Variants in MMADHC observed in about 807,000 individuals in gnomAD.
The protein encoded by MMADHC is cobalamin trafficking protein CblD.
In MMADHC, 23 loss-of-function variants were observed where a neutral mutation model predicts 36.3. The observed-to-expected ratio is 0.63, with a 90% CI of 0.46 to 0.90. The LOEUF (loss-of-function observed/expected upper bound fraction) is 0.90, where lower values mean the gene tolerates loss of function less well. Among genes scored for constraint, MMADHC ranks in the 40% least tolerant of loss-of-function variants. The pLI is 0.00. For synonymous variants in MMADHC, 97 were observed against 116.1 expected, an observed-to-expected ratio of 0.84 and a Z score of 1.06; for missense variants, 330 against 348.0, an observed-to-expected ratio of 0.95 and a Z score of 0.41.
rs1246028209 is a variant in MMADHC, at chr2:149,582,047, TAAG to T, written c.154+77_154+79del. 5 of 1,510,820 alleles carry T rather than the reference TAAG, an allele frequency of 3.3e-6. No individual in the cohort carries two copies. In the Admixed American group the frequency reaches 6.8e-5, roughly 21 times the overall value. The allele number at this position is 1,510,820 out of a possible 1,614,324, so 93.6% of individuals were successfully genotyped here. A position where few individuals can be genotyped will look rare whatever the true frequency, so the allele number is the denominator to read the frequency against. On this transcript the variant is annotated intron_variant, in intron 3 of 7. Transcript: ENST00000303319. The stretch of plus-strand genomic sequence containing the variant: ...AACTTTAGAAAAATCCATTAAGCCT[TAAG>T]AAGAAATATTAGAGGAAAATACAAC...
At chr2:149,587,318 TC>T (rs1558850618) in intron 1 of MMADHC, 169 bp from the exon 2 acceptor site, 1 of 604,712 alleles carries the variant, frequency 1.7e-6, no homozygotes, top group Non-Finnish European at 3.0e-6. Context: ...CAGGCACAGA[TC>T]CCCCAGCCCG....
At chr2:149,574,372 T>C (rs1682684639) in intron 6 of MMADHC, among the ~76,000 whole-genome samples, 1 of 152,348 alleles carries the variant, frequency 6.6e-6, no homozygotes, top group South Asian at 2.1e-4. Flanking sequence ...ACGAAATCTA[T>C]TAGCAGTTAT....
At chr2:149,586,477 G>A (rs576421386) in intron 2 of MMADHC, among the ~76,000 whole-genome samples, 68 of 152,250 alleles carry the variant, frequency 4.5e-4, no homozygotes, top group African/African-American at 1.6e-3. Flanking sequence ...CTCATGAAGT[G>A]ATCCCAAACT....
chr2:149,574,895 G>A (rs1222299484), intron 6 of MMADHC, among the ~76,000 whole-genome samples: 1 of 152,134 alleles, frequency 6.6e-6, no homozygotes, highest in Non-Finnish European at 1.5e-5. Context: ...CGACCTCTCA[G>A]GCTCCAGTGA....
intron 2 of MMADHC, among the ~76,000 whole-genome samples, chr2:149,584,883 A>G (rs1349215786): frequency 6.6e-6 from 1 of 152,030 alleles, no homozygotes; most frequent in Non-Finnish European, 1.5e-5. Context: ...TAAAAATACA[A>G]AAAAAGCCAA....
chr2:149,570,525 A>C (rs1682623400), intron 7 of MMADHC, among the ~76,000 whole-genome samples: 1 of 152,208 alleles, frequency 6.6e-6, no homozygotes, highest in Non-Finnish European at 1.5e-5. Context: ...ATCTTATTTG[A>C]CTTTGAGAAG....
At chr2:149,570,940 T>G in intron 7 of MMADHC, 145 bp downstream of exon 7, 1 of 630,302 alleles carries the variant, frequency 1.6e-6, no homozygotes. Context: ...AAGTTGAGAA[T>G]TCAACTGACT....
intron 6 of MMADHC, among the ~76,000 whole-genome samples, chr2:149,573,043 G>A (rs1682667306): frequency 6.6e-6 from 1 of 152,034 alleles, no homozygotes; most frequent in African/African-American, 2.4e-5. Context: ...TTAACACAAG[G>A]GTAGAGCTGG....
rs147318949 is a variant in MMADHC at position 149,575,805 on chromosome 2, T to G, written c.515A>C (p.Lys172Thr). The G allele has an allele frequency of 9.2e-5, 147 of 1,605,696 alleles. 2 individuals are homozygous for G. In the East Asian group the frequency reaches 3.2e-3, roughly 35 times the overall value. Residue 172 changes from lysine (K) to threonine (T), a missense_variant, in exon 6 of 8, where the codon AAA becomes ACA. Physicochemically the swap from Lys to Thr is moderately conservative, Grantham distance 78 (BLOSUM62 -1). Coordinates refer to ENST00000303319, the MANE Select transcript of MMADHC (RefSeq NM_015702.3). ...TTGTGTTACAGTCAGAATCATTAGTTTGCCATTAGCTACTTCTGGAAACAG... is the reference window on the plus strand; with the variant it reads ...TTGTGTTACAGTCAGAATCATTAGTGTGCCATTAGCTACTTCTGGAAACAG... ...ESLFPEVANG[K>T]LMILTVTQKT...
intron 5 of MMADHC, among the ~76,000 whole-genome samples, chr2:149,576,210 C>A (rs1682714275): frequency 6.6e-6 from 1 of 152,028 alleles, no homozygotes; most frequent in African/African-American, 2.4e-5. Flanking sequence ...TTTAATTTAG[C>A]CTTAGGAAAA....
At position 149,570,185 on chromosome 2, in the gene MMADHC, G is replaced by A. The variant is rs1429480615; in HGVS notation, c.697-17C>T. On this transcript the variant is annotated splice_polypyrimidine_tract_variant and intron_variant, in intron 7 of 7. Transcript: ENST00000303319. The stretch of plus-strand genomic sequence containing the variant: ...TCCAAAAAACTGAGGAAATAAAAAC[G>A]AAATATTCTCATTAGTAAGAAAGAC... 1.6e-5 allele frequency: 26 copies of A among 1,590,940 alleles called. No homozygotes were observed. The highest frequency in any genetic ancestry group is 1.7e-4 in the Middle Eastern group (1 of 6,038).
At chr2:149,576,067 C>T (rs1159893927) in intron 5 of MMADHC, among the ~76,000 whole-genome samples, 4 of 151,922 alleles carry the variant, frequency 2.6e-5, no homozygotes, top group Non-Finnish European at 4.4e-5. Context: ...TACCAACAAT[C>T]CTGAAGGGTA....
intron 4 of MMADHC, 72 bp from the exon 5 acceptor site, chr2:149,576,614 C>T (rs11680630): frequency 9.9e-7 from 1 of 1,008,568 alleles, no homozygotes; most frequent in Non-Finnish European, 1.6e-6. Context: ...TGTTATAAAC[C>T]TGTCTTCCTT....
rs118204045 is a variant in MMADHC, at chr2:149,575,775, G to T, written c.545C>A (p.Thr182Asn). 1.2e-6 allele frequency: 2 copies of T among 1,608,988 alleles called. No individual in the cohort carries two copies. The highest frequency in any genetic ancestry group is 1.7e-6 in the Non-Finnish European group (2 of 1,176,416). Residue 182 changes from threonine (T) to asparagine (N), a missense_variant, in exon 6 of 8, where the codon ACT becomes AAT. Coordinates refer to ENST00000303319, the MANE Select transcript of MMADHC (RefSeq NM_015702.3). ...ACTCCAAACAGTCATATCATTCTTA[G>T]TTTTTTGTGTTACAGTCAGAATCAT... Reference protein sequence around the residue: ...KLMILTVTQKTKNDMTVWSEE... With the variant: ...KLMILTVTQKNKNDMTVWSEE...
intron 4 of MMADHC, among the ~76,000 whole-genome samples, chr2:149,577,718 AT>A (rs1264739990): frequency 5.9e-5 from 9 of 152,132 alleles, no homozygotes; most frequent in African/African-American, 1.4e-4. Flanking sequence ...CTCATGTGAC[AT>A]TTATAAAGAA....
At chr2:149,586,730 T>A (rs1558850322) in intron 2 of MMADHC, among the ~76,000 whole-genome samples, 2 of 151,372 alleles carry the variant, frequency 1.3e-5, no homozygotes, top group African/African-American at 2.4e-5. Flanking sequence ...GAAACTGTTT[T>A]AAAAAAAAGA....
At chr2:149,587,020 C>G (rs1682881216) in intron 2 of MMADHC, 69 bp downstream of exon 2, 4 of 1,486,624 alleles carry the variant, frequency 2.7e-6, no homozygotes, top group Non-Finnish European at 3.8e-6. Context: ...CATAATTAAA[C>G]CCGTTCTTTC....
At chr2:149,577,328 A>T (rs1377723641) in intron 4 of MMADHC, among the ~76,000 whole-genome samples, 1 of 152,180 alleles carries the variant, frequency 6.6e-6, no homozygotes. Flanking sequence ...AGTCCAGCAA[A>T]AGATAATAAA....
intron 2 of MMADHC, among the ~76,000 whole-genome samples, chr2:149,585,743 T>G (rs1423920003): frequency 1.3e-5 from 2 of 152,314 alleles, no homozygotes; most frequent in Admixed American, 1.3e-4. Flanking sequence ...TGAAACACTA[T>G]CTGCATATTT....
Sources: gnomAD v4.1 joint callset for allele counts (sites outside exome capture counted in the v4.1 genomes callset) on GRCh38, gnomAD v4.1.1 for gene constraint, MANE v1.5 for transcripts, NCBI Gene and HGNC (gene_info 2026-07-23, HGNC 2026-07-21) for gene names.